KCNQ1: variants seen among roughly 807,000 people sequenced by gnomAD.
KCNQ1 encodes potassium voltage-gated channel subfamily KQT member 1.
In KCNQ1, 49 loss-of-function variants were observed where a neutral mutation model predicts 72.4. That is an observed-to-expected ratio of 0.68 (90% confidence interval 0.54 to 0.86). The LOEUF (loss-of-function observed/expected upper bound fraction) is 0.86, where lower values mean the gene tolerates loss of function less well. Among genes scored for constraint, KCNQ1 ranks in the 40% least tolerant of loss-of-function variants. The pLI, the probability that KCNQ1 is intolerant of heterozygous loss-of-function variation, is 0.00. For missense variants in KCNQ1, 790 were observed against 945.1 expected (o/e 0.84, Z 2.15); for synonymous variants, 450 against 412.6 (o/e 1.09, Z -1.10).
intron 10 of KCNQ1, chr11:2,649,578 T>C (rs1849726294): frequency 2.5e-6 from 1 of 398,506 alleles, no homozygotes; most frequent in African/African-American, 2.1e-5. Context: ...TATTTGTGGC[T>C]AGCAATTTTG....
rs1372751908 is a variant in KCNQ1, at chr11:2,481,170, TC to T, written c.386+35688del. On this transcript the variant is annotated intron_variant, in intron 1 of 15. Coordinates refer to ENST00000155840, the MANE Select transcript of KCNQ1 (RefSeq NM_000218.3). The surrounding 1 kb of genome is among the most constrained non-coding windows in gnomAD (Gnocchi z 4.6). ...GTTCTCATCCAAAGCAGATGACAAT[TC>T]CAGTTACTCCTCACCAGACATAAGA... 2.0e-5 allele frequency among the ~76,000 whole-genome samples: 3 copies of T among 152,214 alleles called. No homozygotes were observed. Among genetic ancestry groups the T allele is most frequent in the African/African-American group, 7.2e-5 (3 of 41,450 alleles).
rs1432664459 is a variant in KCNQ1 at position 2,769,026 on chromosome 11, G to A, written c.1590+107G>A. ...TCCTGCCCATAGTGGAGGGTGTCAA[G>A]GCCTCCGCCCCCAAGCCACACAGGC... On this transcript the variant is annotated intron_variant, in intron 12 of 15. Coordinates refer to ENST00000155840, the MANE Select transcript of KCNQ1 (RefSeq NM_000218.3). The surrounding 1 kb of genome is among the most constrained non-coding windows in gnomAD (Gnocchi z 4.6). The A allele has an allele frequency of 1.1e-6, 1 of 950,700 alleles. No homozygotes were observed. The highest frequency in any genetic ancestry group is 1.6e-5 in the African/African-American group (1 of 61,716). The allele number at this position is 950,700 out of a possible 1,614,324, so 58.9% of individuals were successfully genotyped here. A position where few individuals can be genotyped will look rare whatever the true frequency, so the allele number is the denominator to read the frequency against.
At position 2,824,493 on chromosome 11, in the gene KCNQ1, G is replaced by A. The variant is rs1181804536; in HGVS notation, c.1795-23274G>A. Among the ~76,000 whole-genome samples the A allele has an allele frequency of 6.6e-6, 1 of 152,204 alleles. No individual in the cohort carries two copies. Among genetic ancestry groups the A allele is most frequent in the Non-Finnish European group, 1.5e-5 (1 of 68,036 alleles). On this transcript the variant is annotated intron_variant, in intron 15 of 15. Coordinates refer to ENST00000155840, the MANE Select transcript of KCNQ1 (RefSeq NM_000218.3). This position sits in a 1 kb window ranked among gnomAD's most constrained non-coding sequence, Gnocchi z 5.9. The stretch of plus-strand genomic sequence containing the variant: ...CACGCAGGGCCTGAAAGGTTCTGAG[G>A]TGTCCACGTGGAGGTGTTTGCCCGG...
rs1847141407 is a variant in KCNQ1, at chr11:2,508,458, G to A, written c.387-19470G>A. On this transcript the variant is annotated intron_variant, in intron 1 of 15. Transcript: ENST00000155840. The surrounding 1 kb of genome is among the most constrained non-coding windows in gnomAD (Gnocchi z 6.2). ...TCCCGAGGCCTGGCTGCTCTGCATG[G>A]GGAGGAGTGTGGGTCCTGAGTGGAG... Among the ~76,000 whole-genome samples the A allele has an allele frequency of 6.6e-6, 1 of 152,236 alleles. No individual in the cohort carries two copies. Among genetic ancestry groups the A allele is most frequent in the African/African-American group, 2.4e-5 (1 of 41,552 alleles).
rs148674776 is a variant in KCNQ1, at chr11:2,622,351, T to C, written c.1393+33497T>C. 6.6e-3 allele frequency: 2,612 copies of C among 398,322 alleles called. 53 individuals carry two copies. Among genetic ancestry groups the C allele is most frequent in the African/African-American group, 0.046 (2,235 of 48,734 alleles). The allele number at this position is 398,322 out of a possible 1,614,324, so 24.7% of individuals were successfully genotyped here. On this transcript the variant is annotated intron_variant, in intron 10 of 15. Transcript: ENST00000155840. ...TTTAAATTCAAGTTTATTTCTTTTATTAGTATAATTACCTCCAGCTTTCTT... is the reference window on the plus strand; with the variant it reads ...TTTAAATTCAAGTTTATTTCTTTTACTAGTATAATTACCTCCAGCTTTCTT...
intron 15 of KCNQ1, among the ~76,000 whole-genome samples, chr11:2,823,929 T>C (rs978044087): frequency 1.1e-4 from 16 of 152,140 alleles, no homozygotes; most frequent in African/African-American, 3.6e-4. Flanking sequence ...GTAGCTAAGA[T>C]TGACAAGTCG....
At position 2,652,404 on chromosome 11, in the gene KCNQ1, TC is replaced by T; in HGVS notation, c.1394-9555del. 2 of 398,650 alleles carry T rather than the reference TC, an allele frequency of 5.0e-6. No individual in the cohort carries two copies. Among genetic ancestry groups the T allele is most frequent in the Non-Finnish European group, 4.4e-6 (1 of 226,070 alleles). 24.7% of individuals were successfully genotyped at this position (398,650 alleles called of 1,614,324 possible). On this transcript the variant is annotated intron_variant, in intron 10 of 15. Coordinates refer to ENST00000155840, the MANE Select transcript of KCNQ1 (RefSeq NM_000218.3). The surrounding 1 kb of genome is among the most constrained non-coding windows in gnomAD (Gnocchi z 5.9). Reference sequence around the variant, plus strand: ...AATTAGATTAAAAACATTTTTTTCTTCCTGTGTAATTTTGTCTTGAAAATCA... The same window carrying T: ...AATTAGATTAAAAACATTTTTTTCTTCTGTGTAATTTTGTCTTGAAAATCA...
rs9666604 is a variant in KCNQ1 at position 2,676,365 on chromosome 11, A to G, written c.1514+14284A>G. 52,786 of 398,538 alleles carry G rather than the reference A, an allele frequency of 0.13. 3,980 individuals are homozygous for G. Among genetic ancestry groups the G allele is most frequent in the African/African-American group, 0.22 (10,828 of 48,692 alleles). The allele number at this position is 398,538 out of a possible 1,614,324, so 24.7% of individuals were successfully genotyped here. ...GTTTTCTCATGGTTGGGCTTCCAGTATAATTGGAAGGAGCATAGTCTCTGT... is the reference window on the plus strand; with the variant it reads ...GTTTTCTCATGGTTGGGCTTCCAGTGTAATTGGAAGGAGCATAGTCTCTGT... On this transcript the variant is annotated intron_variant, in intron 11 of 15. Transcript: ENST00000155840. This position sits in a 1 kb window ranked among gnomAD's most constrained non-coding sequence, Gnocchi z 4.2.
chr11:2,585,964 G>T (rs929831802), intron 8 of KCNQ1, among the ~76,000 whole-genome samples: 24 of 152,204 alleles, frequency 1.6e-4, no homozygotes, highest in African/African-American at 5.5e-4. Flanking sequence ...GGACTGCTCT[G>T]TTAACGTAAG....
chr11:2,512,897 G>A (rs114055065), intron 1 of KCNQ1, among the ~76,000 whole-genome samples: 3,674 of 152,320 alleles, frequency 0.024, 56 homozygotes, highest in African/African-American at 0.029. Context: ...TGTCAGCAGA[G>A]GGTTTTCCTG....
intron 11 of KCNQ1, among the ~76,000 whole-genome samples, chr11:2,702,460 C>G (rs2133907766): frequency 6.6e-6 from 1 of 152,278 alleles, no homozygotes. Flanking sequence ...TAAAGAGTGA[C>G]AAAGGGTGTT....
At chr11:2,692,529 C>A in intron 11 of KCNQ1, 1 of 398,828 alleles carries the variant, frequency 2.5e-6, no homozygotes, top group Non-Finnish European at 4.4e-6. Context: ...GGCTCCCTAC[C>A]ACCAGAGGGC....
At chr11:2,597,162 TATTA>T (rs1158469823) in intron 10 of KCNQ1, among the ~76,000 whole-genome samples, 3 of 152,282 alleles carry the variant, frequency 2.0e-5, no homozygotes, top group Admixed American at 1.3e-4. Context: ...CTTATCTGAT[TATTA>T]AATATCAAAG....
intron 11 of KCNQ1, chr11:2,667,296 G>A (rs10832514): frequency 0.36 from 144,733 of 398,290 alleles, 32,580 homozygotes; most frequent in East Asian, 0.93. Context: ...GGAGAGGGCC[G>A]CACTGTCTAG....
At chr11:2,548,370 A>G (rs1847929632) in intron 2 of KCNQ1, among the ~76,000 whole-genome samples, 1 of 152,246 alleles carries the variant, frequency 6.6e-6, no homozygotes, top group Admixed American at 6.5e-5. Flanking sequence ...AGAACATGGG[A>G]TGGGAATATC....
chr11:2,676,518 C>A lies in KCNQ1; in HGVS notation c.1514+14437C>A, dbSNP rs937489845. The A allele has an allele frequency of 5.0e-6, 2 of 398,424 alleles. No individual in the cohort carries two copies. Among genetic ancestry groups the A allele is most frequent in the African/African-American group, 4.1e-5 (2 of 48,574 alleles). 24.7% of individuals were successfully genotyped at this position (398,424 alleles called of 1,614,324 possible). A position where few individuals can be genotyped will look rare whatever the true frequency, so the allele number is the denominator to read the frequency against. Reference sequence around the variant, plus strand: ...ATTTCTGGTGAACACTTGGACTTGGCAAAAGGCATAGAGGTAGTGGTACAG... The same window carrying A: ...ATTTCTGGTGAACACTTGGACTTGGAAAAAGGCATAGAGGTAGTGGTACAG... On this transcript the variant is annotated intron_variant, in intron 11 of 15. Coordinates refer to ENST00000155840, the MANE Select transcript of KCNQ1 (RefSeq NM_000218.3). This position sits in a 1 kb window ranked among gnomAD's most constrained non-coding sequence, Gnocchi z 4.2.
rs75587695 is a variant in KCNQ1, at chr11:2,767,341, A to C, written c.1515-1503A>C. On this transcript the variant is annotated intron_variant, in intron 11 of 15. Coordinates refer to ENST00000155840, the MANE Select transcript of KCNQ1 (RefSeq NM_000218.3). This position sits in a 1 kb window ranked among gnomAD's most constrained non-coding sequence, Gnocchi z 4.6. ...AGGGCCACATTCCAAAAGGACATGA[A>C]TTATATACCGTGTACATTCCCCAGT... 0.017 allele frequency among the ~76,000 whole-genome samples: 2,581 copies of C among 152,308 alleles called. 116 individuals are homozygous for C. Among genetic ancestry groups the C allele is most frequent in the East Asian group, 0.13 (689 of 5,182 alleles).
At chr11:2,693,062 A>T (rs1241929172) in intron 11 of KCNQ1, 1 of 398,584 alleles carries the variant, frequency 2.5e-6, no homozygotes, top group African/African-American at 2.1e-5. Context: ...AAAGGCATCC[A>T]GTTAGCCATA....
intron 11 of KCNQ1, chr11:2,686,930 C>T (rs904608495): frequency 2.3e-5 from 9 of 398,646 alleles, no homozygotes; most frequent in South Asian, 1.3e-4. Context: ...TGCAGGTCTC[C>T]GTGATGCGGA....
Sources: allele counts gnomAD v4.1 joint callset (sites outside exome capture counted in the v4.1 genomes callset), GRCh38; gene constraint gnomAD v4.1.1; non-coding constraint Gnocchi (gnomAD v3.1); transcripts MANE v1.5; gene names NCBI Gene and HGNC (gene_info 2026-07-23, HGNC 2026-07-21).